The following HPF1 variants were observed in gnomAD, a reference collection of about 807,000 sequenced individuals.
HPF1 encodes UPF0609 protein C4orf27.
Under a neutral mutation model 38.8 loss-of-function variants are expected in HPF1, and 35 were observed. The observed-to-expected ratio is 0.90, with a 90% CI of 0.69 to 1.19. The LOEUF (loss-of-function observed/expected upper bound fraction) is 1.19. Ranked by LOEUF, HPF1 falls within the 50% of genes most tolerant of loss-of-function variation. The pLI is 0.00. For missense variants in HPF1, 367 were observed against 405.8 expected (o/e 0.90, Z 0.82); for synonymous variants, 115 against 139.2 (o/e 0.83, Z 1.22).
intron 6 of HPF1, among the ~76,000 whole-genome samples, chr4:169,735,373 A>G (rs1581313316): frequency 6.6e-6 from 1 of 152,228 alleles, no homozygotes; most frequent in Non-Finnish European, 1.5e-5. Context: ...AAGGGTTAAG[A>G]ACAAACTTAG....
chr4:169,755,059 T>A (rs1182523420), intron 1 of HPF1, among the ~76,000 whole-genome samples: 1 of 118,640 alleles, frequency 8.4e-6, no homozygotes, highest in African/African-American at 4.3e-5. Context: ...ATGCTATCCC[T>A]CCCCCCGCCC....
chr4:169,746,731 T>TA (rs1013102222), intron 4 of HPF1, among the ~76,000 whole-genome samples: 1 of 152,060 alleles, frequency 6.6e-6, no homozygotes, highest in African/African-American at 2.4e-5. Context: ...AGGTAGTACC[T>TA]AAAAAACTAA....
chr4:169,749,368 A>G (rs1284271768), intron 3 of HPF1, among the ~76,000 whole-genome samples: 1 of 152,128 alleles, frequency 6.6e-6, no homozygotes, highest in South Asian at 2.1e-4. Flanking sequence ...AAATTATCCA[A>G]ATTATAGGTA....
chr4:169,752,478 A>C (rs1479129882), intron 2 of HPF1, among the ~76,000 whole-genome samples: 1 of 152,218 alleles, frequency 6.6e-6, no homozygotes, highest in African/African-American at 2.4e-5. Context: ...TATAGTGCAA[A>C]GTAATGAACA....
intron 1 of HPF1, 102 bp from the exon 2 acceptor site, chr4:169,753,937 G>T: frequency 1.1e-6 from 1 of 898,090 alleles, no homozygotes; most frequent in Non-Finnish European, 1.7e-6. Flanking sequence ...AAATACATGT[G>T]TTTTCCTTAA....
chr4:169,748,725 TA>T lies in HPF1; in HGVS notation c.497+18del. 8.6e-7 allele frequency: 1 copy of T among 1,162,772 alleles called. No individual in the cohort carries two copies. Among genetic ancestry groups the T allele is most frequent in the Non-Finnish European group, 1.2e-6 (1 of 810,800 alleles). 72.0% of individuals were successfully genotyped at this position (1,162,772 alleles called of 1,614,324 possible). ...GTAGTATAAACATTGTAAACAAATA[TA>T]AATTAAAATATTCTTACTTGACTGC... On this transcript the variant is annotated intron_variant, in intron 4 of 7. Coordinates refer to ENST00000393381, the MANE Select transcript of HPF1 (RefSeq NM_017867.3).
At chr4:169,753,893 CAG>C in intron 1 of HPF1, 58 bp from the exon 2 acceptor site, 1 of 1,324,136 alleles carries the variant, frequency 7.6e-7, no homozygotes. Flanking sequence ...CCTTGCATAA[CAG>C]TATCTATCAC....
chr4:169,748,689 A>G (rs1308750005), intron 4 of HPF1, 55 bp downstream of exon 4: 15 of 838,158 alleles, frequency 1.8e-5, no homozygotes, highest in Non-Finnish European at 2.8e-5. Context: ...CCCCCTTTGT[A>G]ATGGACTAAT....
chr4:169,734,283 C>T (rs374512704), intron 6 of HPF1, among the ~76,000 whole-genome samples: 1 of 152,200 alleles, frequency 6.6e-6, no homozygotes, highest in Admixed American at 6.5e-5. Flanking sequence ...ATAAGTGGTT[C>T]CTCCCTGTTA....
chr4:169,753,353 G>A (rs1323565317), intron 2 of HPF1, among the ~76,000 whole-genome samples: 2 of 152,122 alleles, frequency 1.3e-5, no homozygotes, highest in Non-Finnish European at 2.9e-5. Flanking sequence ...ATGTTTTAGA[G>A]ACGGGGTCTT....
chr4:169,747,404 T>C (rs1165231451), intron 4 of HPF1, among the ~76,000 whole-genome samples: 4 of 152,158 alleles, frequency 2.6e-5, no homozygotes, highest in Admixed American at 1.3e-4. Flanking sequence ...GTACGTAGCA[T>C]AGTCTAGTGG....
chr4:169,731,805 G>A lies in HPF1; in HGVS notation c.808C>T (p.Pro270Ser), dbSNP rs781328588. 6 of 1,610,614 alleles carry A rather than the reference G, an allele frequency of 3.7e-6. No homozygotes were observed. The highest frequency in any genetic ancestry group is 4.2e-6 in the Non-Finnish European group (5 of 1,178,888). The change falls in exon 7 of 8, where the codon CCC becomes TCC. Residue 270 changes from proline to serine, a missense_variant. By Grantham distance (74) the Pro-to-Ser change is moderately conservative (BLOSUM62 -1). Transcript: ENST00000393381. ...ACAAAAGTCATCATTTCCTGAATGG[G>A]AGCAAAAGCTTTTAGTCTCTCCTCA... The part of the protein sequence containing the change: ...SDEERLKAFA[P>S]IQEMMTFVQF...
chr4:169,739,666 T>A (rs1020269887), intron 5 of HPF1, among the ~76,000 whole-genome samples: 5 of 152,064 alleles, frequency 3.3e-5, no homozygotes, highest in African/African-American at 1.2e-4. Context: ...AATAACCAGA[T>A]AAGTATGAGA....
intron 5 of HPF1, among the ~76,000 whole-genome samples, chr4:169,738,998 G>A (rs561961924): frequency 5.9e-5 from 9 of 151,868 alleles, no homozygotes; most frequent in South Asian, 2.1e-4. Context: ...GTGGGGTGGG[G>A]GGAGGAGGGA....
chr4:169,743,466 A>G (rs1734006822), intron 4 of HPF1, among the ~76,000 whole-genome samples: 1 of 139,342 alleles, frequency 7.2e-6, no homozygotes, highest in Admixed American at 7.5e-5. Context: ...CTATTATAAC[A>G]CTAAAGGTCG....
rs575503210 is a variant in HPF1, at chr4:169,757,928, C to T, written c.-51G>A. On this transcript the variant is annotated 5_prime_UTR_variant, in exon 1 of 8. Coordinates refer to ENST00000393381, the MANE Select transcript of HPF1 (RefSeq NM_017867.3). ...TCCCCGATCCGCGGCCGCTTCCGAGCGCCGCCAACCGCTTCCGGGTTCAAA... is the reference window on the plus strand; with the variant it reads ...TCCCCGATCCGCGGCCGCTTCCGAGTGCCGCCAACCGCTTCCGGGTTCAAA... The T allele has an allele frequency of 3.8e-5, 57 of 1,509,772 alleles. No homozygotes were observed. The Middle Eastern group carries it at 1.0e-3, about 27-fold the overall frequency. 93.5% of individuals were successfully genotyped at this position (1,509,772 alleles called of 1,614,324 possible).
chr4:169,737,301 A>AC (rs1733910854), intron 6 of HPF1, among the ~76,000 whole-genome samples: 1 of 144,018 alleles, frequency 6.9e-6, no homozygotes, highest in Admixed American at 7.1e-5. Flanking sequence ...AAAAAAAAAA[A>AC]AAAAAACAAA....
chr4:169,744,709 C>T (rs1734023971), intron 4 of HPF1, among the ~76,000 whole-genome samples: 2 of 152,084 alleles, frequency 1.3e-5, no homozygotes, highest in Admixed American at 6.5e-5. Context: ...TTATTTGAAA[C>T]CCTGAATTTT....
intron 2 of HPF1, among the ~76,000 whole-genome samples, chr4:169,751,741 G>A (rs192993520): frequency 8.9e-4 from 136 of 152,322 alleles, no homozygotes; most frequent in African/African-American, 3.0e-3. Flanking sequence ...GAAGCATGGA[G>A]ATAACTTGAC....
Sources: allele counts gnomAD v4.1 joint callset (sites outside exome capture counted in the v4.1 genomes callset), GRCh38; gene constraint gnomAD v4.1.1; transcripts MANE v1.5; gene names NCBI Gene and HGNC (gene_info 2026-07-23, HGNC 2026-07-21).